The following HMG20A variants were observed in gnomAD, a reference collection of about 807,000 sequenced individuals.
HMG20A encodes the protein high mobility group protein 20A.
A neutral mutation model predicts 43.9 loss-of-function variants in HMG20A; 17 were observed. The ratio of observed to expected loss-of-function variants is 0.39; its 90% CI spans 0.27 to 0.58. The LOEUF (loss-of-function observed/expected upper bound fraction) is 0.58. Among genes scored for constraint, HMG20A ranks in the 20% least tolerant of loss-of-function variants. HMG20A has a pLI of 0.59. For synonymous variants in HMG20A, 132 were observed against 147.5 expected, an observed-to-expected ratio of 0.89 and a Z score of 0.76; for missense variants, 341 against 438.2, an observed-to-expected ratio of 0.78 and a Z score of 1.98.
In HMG20A at chr15:77,470,921, T is replaced by A. The variant is rs142731606; in HGVS notation, c.462T>A (p.Asp154Glu). 4.4e-6 allele frequency: 7 copies of A among 1,588,326 alleles called. No homozygotes were observed. Among genetic ancestry groups the A allele is most frequent in the Non-Finnish European group, 6.0e-6 (7 of 1,171,510 alleles). Residue 154 changes from aspartate to glutamate, a missense_variant, in exon 5 of 10, where the codon GAT (aspartate) becomes GAA (glutamate). Coordinates refer to ENST00000336216, the MANE Select transcript of HMG20A (RefSeq NM_001304504.2). Reference protein sequence around the residue: ...LPPEEKQRYLDEADRDKERYM... With the variant: ...LPPEEKQRYLEEADRDKERYM... ...TATTTCTTTCCTAGCGCTACCTTGA[T>A]GAAGCAGACAGAGATAAGGAGCGTT...
At chr15:77,472,256 G>A (rs2072816158) in intron 6 of HMG20A, among the ~76,000 whole-genome samples, 1 of 151,982 alleles carries the variant, frequency 6.6e-6, no homozygotes, top group South Asian at 2.1e-4. Context: ...CAGTATCTCA[G>A]GTTTGTTTTT....
chr15:77,427,647 G>A (rs2073440210), intron 1 of HMG20A, among the ~76,000 whole-genome samples: 1 of 152,062 alleles, frequency 6.6e-6, no homozygotes, highest in African/African-American at 2.4e-5. Context: ...ACCCCATATG[G>A]CTTCTTTAAA....
intron 9 of HMG20A, among the ~76,000 whole-genome samples, chr15:77,481,852 A>G (rs2072908066): frequency 6.6e-6 from 1 of 152,204 alleles, no homozygotes; most frequent in Non-Finnish European, 1.5e-5. Flanking sequence ...CATTATACAA[A>G]TATGTACAGA....
At chr15:77,465,594 C>T (rs2072749953) in intron 3 of HMG20A, among the ~76,000 whole-genome samples, 2 of 152,144 alleles carry the variant, frequency 1.3e-5, no homozygotes, top group Admixed American at 1.3e-4. Context: ...GGAGTTTCTC[C>T]GTGTTGACCA....
rs780917589 is a variant in HMG20A, at chr15:77,464,348, A to G, written c.198A>G (p.Ser66=). The change falls in exon 3 of 10, where the codon TCA becomes TCG. Residue 66 remains serine, a synonymous_variant. Coordinates refer to ENST00000336216, the MANE Select transcript of HMG20A (RefSeq NM_001304504.2). ...GTCAGTTGCTTCAGAGTGAGTCTTCAAATGCAGCAGAAGGCAATGAACAGA... is the reference window on the plus strand; with the variant it reads ...GTCAGTTGCTTCAGAGTGAGTCTTCGAATGCAGCAGAAGGCAATGAACAGA... ...SQGQLLQSES[S]NAAEGNEQRH... is the part of the protein sequence containing the mutation. The G allele has an allele frequency of 1.2e-6, 2 of 1,613,924 alleles. No homozygotes were observed. Among genetic ancestry groups the G allele is most frequent in the Admixed American group, 3.3e-5 (2 of 60,020 alleles).
chr15:77,426,900 T>G (rs541735165), intron 1 of HMG20A, among the ~76,000 whole-genome samples: 2 of 152,268 alleles, frequency 1.3e-5, no homozygotes, highest in Admixed American at 6.5e-5. Context: ...GATATGAGGA[T>G]AGCTTCTGGG....
At chr15:77,451,711 A>G (rs1280614282) in intron 1 of HMG20A, among the ~76,000 whole-genome samples, 1 of 152,204 alleles carries the variant, frequency 6.6e-6, no homozygotes, top group African/African-American at 2.4e-5. Flanking sequence ...AGTAAAATGA[A>G]AAAAGATACA....
chr15:77,469,987 T>C (rs1299984238), intron 4 of HMG20A, among the ~76,000 whole-genome samples: 1 of 152,224 alleles, frequency 6.6e-6, no homozygotes, highest in Non-Finnish European at 1.5e-5. Context: ...ATTTATTGTA[T>C]TTGTATGGTA....
At chr15:77,517,970 T>A in the HMG20A span, among the ~76,000 whole-genome samples, 1 of 152,008 alleles carries the variant, frequency 6.6e-6, no homozygotes, top group African/African-American at 2.4e-5. Context: ...AAATATTGAA[T>A]GTCGGATACT....
intron 7 of HMG20A, chr15:77,477,980 C>G (rs2072871410): frequency 2.1e-6 from 1 of 485,870 alleles, no homozygotes; most frequent in Admixed American, 3.3e-5. Flanking sequence ...CCAGGATCCC[C>G]CTGCAAAACC....
intron 2 of HMG20A, among the ~76,000 whole-genome samples, chr15:77,460,998 GAAAA>G (rs1195496319): frequency 6.7e-6 from 1 of 149,874 alleles, no homozygotes; most frequent in African/African-American, 2.5e-5. Flanking sequence ...AAAAGAAAAA[GAAAA>G]AAAAGTCAGA....
At chr15:77,429,388 A>G (rs2073460624) in intron 1 of HMG20A, among the ~76,000 whole-genome samples, 1 of 151,396 alleles carries the variant, frequency 6.6e-6, no homozygotes, top group South Asian at 2.1e-4. Context: ...TTTCTTTTCC[A>G]GCCTCAAAAT....
intron 3 of HMG20A, among the ~76,000 whole-genome samples, chr15:77,465,131 G>A (rs1189838089): frequency 6.6e-6 from 1 of 151,698 alleles, no homozygotes; most frequent in African/African-American, 2.4e-5. Flanking sequence ...GTGCAGTGGT[G>A]TGTGCCTGTA....
At chr15:77,448,985 G>A (rs1347275454) in intron 1 of HMG20A, among the ~76,000 whole-genome samples, 1 of 152,074 alleles carries the variant, frequency 6.6e-6, no homozygotes, top group African/African-American at 2.4e-5. Context: ...GGAGGTAGGG[G>A]TTGCAGTAAG....
chr15:77,443,013 A>G (rs1413947197), intron 1 of HMG20A, among the ~76,000 whole-genome samples: 1 of 150,568 alleles, frequency 6.6e-6, no homozygotes, highest in Non-Finnish European at 1.5e-5. Flanking sequence ...CCACCCTGAC[A>G]TAACTACTTT....
chr15:77,463,135 C>G (rs2072721146), intron 2 of HMG20A, among the ~76,000 whole-genome samples: 1 of 152,156 alleles, frequency 6.6e-6, no homozygotes, highest in African/African-American at 2.4e-5. Flanking sequence ...CTTTGTGTCT[C>G]ACTTAATCTA....
At chr15:77,515,386 A>T in the HMG20A span, among the ~76,000 whole-genome samples, 150,639 of 152,172 alleles carry the variant, frequency 0.99, 74,570 homozygotes, top group Middle Eastern at 1. Flanking sequence ...TGTTTTTTTT[A>T]AAAAAAGTTA....
At chr15:77,514,033 A>G in the HMG20A span, among the ~76,000 whole-genome samples, 1 of 151,954 alleles carries the variant, frequency 6.6e-6, no homozygotes, top group South Asian at 2.1e-4. Context: ...CTTTTTTCCT[A>G]CTGTCTACAT....
intron 2 of HMG20A, among the ~76,000 whole-genome samples, chr15:77,461,057 G>T (rs2072700453): frequency 6.6e-6 from 1 of 152,034 alleles, no homozygotes; most frequent in Admixed American, 6.6e-5. Flanking sequence ...TTGCTAGAAA[G>T]GTCGCAGAAA....
Sources: allele counts gnomAD v4.1 joint callset (sites outside exome capture counted in the v4.1 genomes callset), GRCh38; gene constraint gnomAD v4.1.1; transcripts MANE v1.5; gene names NCBI Gene and HGNC (gene_info 2026-07-23, HGNC 2026-07-21).